CLASP2: variants seen among roughly 807,000 people sequenced by gnomAD.
The protein encoded by CLASP2 is CLIP-associating protein 2.
CLASP2 carries 47 observed loss-of-function variants against 194.4 expected under a neutral mutation model. The observed-to-expected ratio is 0.24, with a 90% CI of 0.19 to 0.31. The LOEUF is 0.31. Ranked by LOEUF, CLASP2 falls within the 10% of genes least tolerant of loss-of-function variation. The pLI is 1.00. For missense variants in CLASP2, 1,445 were observed against 1,823.6 expected, an observed-to-expected ratio of 0.79 and a Z score of 3.78; for synonymous variants, 619 against 633.5, an observed-to-expected ratio of 0.98 and a Z score of 0.34.
At chr3:33,504,529 C>T (rs1160972559) in intron 37 of CLASP2, 1 of 152,186 alleles carries the variant, frequency 6.6e-6, no homozygotes, top group Non-Finnish European at 1.5e-5. Flanking sequence ...AGGCTGCCTA[C>T]AATTCTGTCT....
intron 8 of CLASP2, among the ~76,000 whole-genome samples, chr3:33,634,981 C>T (rs903571823): frequency 6.6e-6 from 1 of 151,886 alleles, no homozygotes; most frequent in African/African-American, 2.4e-5. Context: ...AAATGGAGAG[C>T]CAGGCGCAGT....
At chr3:33,535,567 G>T (rs1465408269) in intron 33 of CLASP2, 106 bp from the exon 34 acceptor site, 2 of 886,286 alleles carry the variant, frequency 2.3e-6, no homozygotes. Flanking sequence ...ATTTTAAAAA[G>T]ATAACAATAA....
At chr3:33,673,238 G>T (rs1000887954) in intron 6 of CLASP2, among the ~76,000 whole-genome samples, 2 of 152,224 alleles carry the variant, frequency 1.3e-5, no homozygotes, top group African/African-American at 4.8e-5. Context: ...ACTAACAGCA[G>T]ATGTCTCGGC....
At chr3:33,511,028 GTATT>G (rs941831783) in intron 36 of CLASP2, among the ~76,000 whole-genome samples, 2 of 141,170 alleles carry the variant, frequency 1.4e-5, no homozygotes, top group Non-Finnish European at 1.5e-5. Flanking sequence ...GTTGGCTAAA[GTATT>G]TTTTTTTTTT....
intron 27 of CLASP2, among the ~76,000 whole-genome samples, chr3:33,566,373 G>A (rs888141344): frequency 6.6e-6 from 1 of 152,100 alleles, no homozygotes; most frequent in Non-Finnish European, 1.5e-5. Context: ...TAATTCAATG[G>A]AAGCAATCTT....
chr3:33,588,693 A>G lies in CLASP2; in HGVS notation c.2068+3702T>C, dbSNP rs1382460291. On this transcript the variant is annotated intron_variant, in intron 21 of 38. Transcript: ENST00000682230. ...AACAACAGATGCACACATAAAGTCT[A>G]TAGATTCTTACCACCAATGGTATTA... 4.3e-6 allele frequency: 3 copies of G among 702,210 alleles called. No individual in the cohort carries two copies. The African/African-American group carries it at 5.2e-5, about 12-fold the overall frequency. The allele number at this position is 702,210 out of a possible 1,614,324, so 43.5% of individuals were successfully genotyped here.
At position 33,676,399 on chromosome 3, in the gene CLASP2, C is replaced by T. The variant is rs1195148579; in HGVS notation, c.644+7960G>A. ...AGCAGACGCCTCAGAAATAACGCCG[C>T]ATATCTACAACTATCTGATCTTTGA... On this transcript the variant is annotated intron_variant, in intron 6 of 38. Coordinates refer to ENST00000682230, the MANE Select transcript of CLASP2 (RefSeq NM_001365631.1). Among the ~76,000 whole-genome samples, 3 of 149,372 alleles carry T rather than the reference C, an allele frequency of 2.0e-5. 1 individual carries two copies. Among genetic ancestry groups the T allele is most frequent in the African/African-American group, 7.4e-5 (3 of 40,730 alleles).
chr3:33,658,454 T>C (rs1031325980), intron 7 of CLASP2, among the ~76,000 whole-genome samples: 1 of 152,222 alleles, frequency 6.6e-6, no homozygotes, highest in African/African-American at 2.4e-5. Context: ...CTTAAAAGGC[T>C]AAATATTTTC....
chr3:33,545,058 A>G lies in CLASP2; in HGVS notation c.3154-217T>C, dbSNP rs2058943104. The G allele has an allele frequency of 8.1e-6, 3 of 372,080 alleles. No individual in the cohort carries two copies. In the South Asian group the frequency reaches 2.1e-4, roughly 26 times the overall value. The allele number at this position is 372,080 out of a possible 1,614,324, so 23.0% of individuals were successfully genotyped here. ...TTTAAGGTAAGAAGGGAATATGAAA[A>G]GCATAACAAATATGACCTAACAGAC... On this transcript the variant is annotated intron_variant, in intron 30 of 38. Coordinates refer to ENST00000682230, the MANE Select transcript of CLASP2 (RefSeq NM_001365631.1).
chr3:33,608,514 A>G (rs1455362508), intron 14 of CLASP2, 53 bp downstream of exon 14: 1 of 1,364,396 alleles, frequency 7.3e-7, no homozygotes, highest in Non-Finnish European at 1.0e-6. Flanking sequence ...CAACTTCTAA[A>G]GAACTGGTGA....
At position 33,497,469 on chromosome 3, in the gene CLASP2, G is replaced by A. The variant is rs958948994; in HGVS notation, c.*1162C>T. On this transcript the variant is annotated 3_prime_UTR_variant, in exon 39 of 39. Coordinates refer to ENST00000682230, the MANE Select transcript of CLASP2 (RefSeq NM_001365631.1). ...GGTGATTAAAAAAATTTGCTAAAAA[G>A]TAACAGAAAATCACCCTTTAAGTAG... 1 of 152,594 alleles carries A rather than the reference G, an allele frequency of 6.6e-6. No homozygotes were observed. Among genetic ancestry groups the A allele is most frequent in the African/African-American group, 2.4e-5 (1 of 41,446 alleles). The allele number at this position is 152,594 out of a possible 1,614,324, so 9.5% of individuals were successfully genotyped here. A position where few individuals can be genotyped will look rare whatever the true frequency, so the allele number is the denominator to read the frequency against.
intron 33 of CLASP2, among the ~76,000 whole-genome samples, chr3:33,537,361 G>A (rs1487567243): frequency 6.6e-6 from 1 of 152,184 alleles, no homozygotes; most frequent in Non-Finnish European, 1.5e-5. Flanking sequence ...GGCACAGTGA[G>A]AAAAACAACA....
At chr3:33,627,519 T>C (rs1459592881) in intron 9 of CLASP2, among the ~76,000 whole-genome samples, 1 of 152,136 alleles carries the variant, frequency 6.6e-6, no homozygotes, top group African/African-American at 2.4e-5. Flanking sequence ...GATAGCTACA[T>C]TTTGTTTCCT....
chr3:33,618,153 G>A (rs933849603), intron 12 of CLASP2, among the ~76,000 whole-genome samples: 3 of 151,494 alleles, frequency 2.0e-5, no homozygotes, highest in Non-Finnish European at 4.4e-5. Context: ...TCTTCATGTT[G>A]GTCGGGCTGG....
intron 24 of CLASP2, among the ~76,000 whole-genome samples, chr3:33,573,709 T>C (rs1198575290): frequency 1.3e-5 from 2 of 152,176 alleles, no homozygotes; most frequent in African/African-American, 2.4e-5. Flanking sequence ...TACTAGAAAT[T>C]TGAGTTGGTA....
intron 30 of CLASP2, among the ~76,000 whole-genome samples, chr3:33,548,763 C>CTTTTTTTTTTT (rs57112524): frequency 4.3e-5 from 4 of 93,114 alleles, no homozygotes; most frequent in Admixed American, 1.2e-4. Context: ...GGTTTCATTT[C>CTTTTTTTTTTT]TTTTTTTTTT....
At chr3:33,551,171 ATAT>A (rs2059959836) in intron 30 of CLASP2, 78 bp downstream of exon 30, 2 of 1,271,036 alleles carry the variant, frequency 1.6e-6, no homozygotes, top group African/African-American at 3.0e-5. Context: ...GGTCCTGAAA[ATAT>A]TAGCTTCCTT....
At chr3:33,555,837 T>TA (rs1167198287) in intron 29 of CLASP2, among the ~76,000 whole-genome samples, 2 of 152,364 alleles carry the variant, frequency 1.3e-5, no homozygotes, top group African/African-American at 4.8e-5. Flanking sequence ...TGCAGTGCCT[T>TA]AGCAATTTAT....
At position 33,619,702 on chromosome 3, in the gene CLASP2, A is replaced by G. The variant is rs766949967; in HGVS notation, c.1218T>C (p.His406=). Reference sequence around the variant, plus strand: ...GTGTAGGTACAATGGCTTCAGCGCCATGATCAAACTTGTTTCCCAAAACTG... The same window carrying G: ...GTGTAGGTACAATGGCTTCAGCGCCGTGATCAAACTTGTTTCCCAAAACTG... The part of the protein sequence containing the change: ...LSTVLGNKFD[H]GAEAIVPTLF... Residue 406 remains histidine, a synonymous_variant, in exon 12 of 39, where the codon CAT becomes CAC. Coordinates refer to ENST00000682230, the MANE Select transcript of CLASP2 (RefSeq NM_001365631.1). 8 of 1,586,154 alleles carry G rather than the reference A, an allele frequency of 5.0e-6. No individual in the cohort carries two copies.
Sources: gnomAD v4.1 joint callset for allele counts (sites outside exome capture counted in the v4.1 genomes callset) on GRCh38, gnomAD v4.1.1 for gene constraint, MANE v1.5 for transcripts, NCBI Gene and HGNC (gene_info 2026-07-23, HGNC 2026-07-21) for gene names.